The following DOCK10 variants were observed in gnomAD, a reference collection of about 807,000 sequenced individuals.
The protein encoded by DOCK10 is dedicator of cytokinesis 10.
In DOCK10, 145 loss-of-function variants were observed where a neutral mutation model predicts 280.1. That is an observed-to-expected ratio of 0.52 (90% CI 0.45 to 0.59). DOCK10 has a LOEUF of 0.59. Among genes scored for constraint, DOCK10 ranks in the 20% least tolerant of loss-of-function variants. The pLI is 0.00. For missense variants in DOCK10, 2,368 were observed against 2,651.7 expected, an observed-to-expected ratio of 0.89 and a Z score of 2.35; for synonymous variants, 915 against 942.2, an observed-to-expected ratio of 0.97 and a Z score of 0.53.
chr2:224,890,053 A>C (rs1007330006), intron 4 of DOCK10, among the ~76,000 whole-genome samples: 2 of 152,248 alleles, frequency 1.3e-5, no homozygotes, highest in African/African-American at 4.8e-5. Flanking sequence ...GAATCGGGAA[A>C]ACCAAGGAAG....
intron 1 of DOCK10, among the ~76,000 whole-genome samples, chr2:224,937,788 G>T (rs1559812173): frequency 6.6e-6 from 1 of 152,160 alleles, no homozygotes; most frequent in Non-Finnish European, 1.5e-5. Flanking sequence ...AAAAGAGAAG[G>T]ATTAAATTTA....
rs1690359228 is a variant in DOCK10, at chr2:224,770,397, C to T, written c.6306-48G>A. The T allele has an allele frequency of 6.4e-7, 1 of 1,563,546 alleles. No homozygotes were observed. Among genetic ancestry groups the T allele is most frequent in the Non-Finnish European group, 8.7e-7 (1 of 1,153,868 alleles). Reference sequence around the variant, plus strand: ...ATTAAAAACCAGCCCTCGGAAGTGGCATTGAGCTCAGTGACTGTGAGTTCA... The same window carrying T: ...ATTAAAAACCAGCCCTCGGAAGTGGTATTGAGCTCAGTGACTGTGAGTTCA... On this transcript the variant is annotated intron_variant, in intron 54 of 55. Transcript: ENST00000258390. This position sits in a 1 kb window ranked among gnomAD's most constrained non-coding sequence, Gnocchi z 4.5.
At chr2:224,844,902 G>C in intron 21 of DOCK10, 63 bp from the exon 22 acceptor site, 1 of 1,205,278 alleles carries the variant, frequency 8.3e-7, no homozygotes, top group Non-Finnish European at 1.2e-6. Context: ...TAAATAGATT[G>C]TTTAGTTTAT....
chr2:224,780,332 A>G (rs910519732), intron 50 of DOCK10, among the ~76,000 whole-genome samples: 2 of 152,114 alleles, frequency 1.3e-5, no homozygotes, highest in Non-Finnish European at 2.9e-5. Flanking sequence ...GTCTGATTCA[A>G]GGTCAGGAGT....
At chr2:224,983,491 A>T in intron 1 of DOCK10, 1 of 210,198 alleles carries the variant, frequency 4.8e-6, no homozygotes, top group Non-Finnish European at 9.5e-6. Context: ...TTCCAGTGTA[A>T]CTCTTGGAGA....
intron 4 of DOCK10, among the ~76,000 whole-genome samples, chr2:224,887,382 C>T (rs1315318100): frequency 6.6e-6 from 1 of 152,192 alleles, no homozygotes; most frequent in African/African-American, 2.4e-5. Context: ...GTAGCAATTA[C>T]ACTTACTTTG....
chr2:224,877,967 TA>T (rs764999340), intron 7 of DOCK10, among the ~76,000 whole-genome samples: 1 of 152,220 alleles, frequency 6.6e-6, no homozygotes, highest in Non-Finnish European at 1.5e-5. Flanking sequence ...CTCATAATTG[TA>T]ATAGAGCAAA....
intron 3 of DOCK10, among the ~76,000 whole-genome samples, chr2:224,900,112 G>C (rs1485985266): frequency 6.6e-6 from 1 of 152,006 alleles, no homozygotes; most frequent in African/African-American, 2.4e-5. Flanking sequence ...GCCCTTTCTT[G>C]CTATTGATGG....
chr2:224,770,206 C>G lies in DOCK10; in HGVS notation c.6444+5G>C. ...GATAGCGCGTGTGCACCAAGGAGCG[C>G]TCACCTGCTCATTCATGACTGTGGA... On this transcript the variant is annotated splice_donor_5th_base_variant and intron_variant, in intron 55 of 55. Coordinates refer to ENST00000258390, the MANE Select transcript of DOCK10 (RefSeq NM_014689.3). The surrounding 1 kb of genome is among the most constrained non-coding windows in gnomAD (Gnocchi z 4.5). 1 of 1,557,222 alleles carries G rather than the reference C, an allele frequency of 6.4e-7. No individual in the cohort carries two copies. Among genetic ancestry groups the G allele is most frequent in the Non-Finnish European group, 8.7e-7 (1 of 1,152,596 alleles).
At chr2:225,037,444 A>C (rs1290695615) in intron 1 of DOCK10, among the ~76,000 whole-genome samples, 1 of 152,212 alleles carries the variant, frequency 6.6e-6, no homozygotes, top group Admixed American at 6.5e-5. Flanking sequence ...AAAAGGCAAC[A>C]CCAATCAACG....
intron 1 of DOCK10, among the ~76,000 whole-genome samples, chr2:225,000,022 C>A (rs373417910): frequency 1.3e-5 from 2 of 152,220 alleles, no homozygotes; most frequent in African/African-American, 4.8e-5. Flanking sequence ...TGGCAAATGA[C>A]CTTCAGTTTG....
At chr2:224,952,572 T>G (rs1703800778) in intron 1 of DOCK10, among the ~76,000 whole-genome samples, 1 of 151,678 alleles carries the variant, frequency 6.6e-6, no homozygotes, top group Non-Finnish European at 1.5e-5. Flanking sequence ...GAAAGTCCTT[T>G]TTAAATGCTC....
intron 44 of DOCK10, 72 bp downstream of exon 44, chr2:224,796,244 G>T: frequency 2.1e-6 from 2 of 939,922 alleles, no homozygotes; most frequent in South Asian, 1.4e-5. Flanking sequence ...TTATGATTTT[G>T]ATATCTCACA....
At chr2:224,933,226 G>A (rs1702498223) in intron 1 of DOCK10, among the ~76,000 whole-genome samples, 1 of 152,118 alleles carries the variant, frequency 6.6e-6, no homozygotes, top group Non-Finnish European at 1.5e-5. Context: ...AAGACTTTCT[G>A]GAATCATTGC....
chr2:224,804,000 ATGTGTG>A (rs71062961), intron 39 of DOCK10, 106 bp downstream of exon 39: 769 of 460,850 alleles, frequency 1.7e-3, no homozygotes, highest in African/African-American at 5.4e-3. Context: ...AAATAGAAAT[ATGTGTG>A]TGTGTGTGTG....
chr2:224,886,087 G>A lies in DOCK10; in HGVS notation c.588C>T (p.Thr196=), dbSNP rs747609390. The A allele has an allele frequency of 8.1e-6, 13 of 1,613,728 alleles. No homozygotes were observed. Among genetic ancestry groups the A allele is most frequent in the Middle Eastern group, 1.7e-4 (1 of 6,046 alleles). The change falls in exon 6 of 56, where the codon ACC becomes ACT. Residue 196 remains threonine, a synonymous_variant. Coordinates refer to ENST00000258390, the MANE Select transcript of DOCK10 (RefSeq NM_014689.3). ...CCCGAACAGTAACGGTGTTGTTCAC[G>A]GTGCTGTTAAAATTCCCCTTGTAGA... ...GWLYKGNFNS[T]VNNTVTVRSF... is the part of the protein sequence containing the mutation.
intron 44 of DOCK10, among the ~76,000 whole-genome samples, chr2:224,796,106 T>C (rs1692556801): frequency 6.6e-6 from 1 of 152,004 alleles, no homozygotes; most frequent in South Asian, 2.1e-4. Context: ...TTACCCATGC[T>C]GGAGTGCAAT....
chr2:224,914,670 T>C (rs983140168), intron 3 of DOCK10, among the ~76,000 whole-genome samples: 1 of 152,096 alleles, frequency 6.6e-6, no homozygotes, highest in Admixed American at 6.5e-5. Context: ...TAAAACACCA[T>C]CTTTCATAAA....
In DOCK10 at chr2:224,796,393, C is replaced by T. The variant is rs751851476; in HGVS notation, c.4861G>A (p.Ala1621Thr). The stretch of plus-strand genomic sequence containing the variant: ...TGAAACCGAGAGCCTCCAATCCCAG[C>T]ATCGGCTATTAACTGGCTCACAGCT... ...IKAVSQLIAD[A>T]GIGGSRFQHS... Residue 1621 changes from alanine to threonine, a missense_variant, in exon 44 of 56, where the codon GCT becomes ACT. By Grantham distance (58) the Ala-to-Thr change is moderately conservative (BLOSUM62 0). Around this residue, in one of 2 missense-constraint regions of DOCK10, gnomAD observed 1,159 missense variants for 1,400.8 expected, o/e 0.83. Transcript: ENST00000258390. 1.9e-5 allele frequency: 30 copies of T among 1,569,834 alleles called. No homozygotes were observed. Among genetic ancestry groups the T allele is most frequent in the Non-Finnish European group, 2.3e-5 (27 of 1,156,244 alleles).
Sources: gnomAD v4.1 joint callset for allele counts (sites outside exome capture counted in the v4.1 genomes callset) on GRCh38, gnomAD v4.1.1 for gene constraint, gnomAD v4.1.1 regional missense constraint, Gnocchi (gnomAD v3.1) non-coding constraint, MANE v1.5 for transcripts, NCBI Gene and HGNC (gene_info 2026-07-23, HGNC 2026-07-21) for gene names.